TMEM132D: variants seen among roughly 807,000 people sequenced by gnomAD.
TMEM132D encodes the protein transmembrane protein 132D.
Under a neutral mutation model 62.3 loss-of-function variants are expected in TMEM132D, and 21 were observed. That is an observed-to-expected ratio of 0.34 (90% CI 0.24 to 0.49). The LOEUF is 0.49. Among genes scored for constraint, TMEM132D ranks in the 20% least tolerant of loss-of-function variants. TMEM132D has a pLI of 0.99. For synonymous variants in TMEM132D, 621 were observed against 575.6 expected, an observed-to-expected ratio of 1.08 and a Z score of -1.13; for missense variants, 1,346 against 1,402.8, an observed-to-expected ratio of 0.96 and a Z score of 0.65.
intron 1 of TMEM132D, among the ~76,000 whole-genome samples, chr12:129,844,629 A>G (rs1460880117): frequency 1.3e-5 from 2 of 152,206 alleles, no homozygotes; most frequent in South Asian, 2.1e-4. Context: ...AATAATGAGA[A>G]GAACGATGCT....
chr12:129,211,244 T>G (rs1009243951), intron 4 of TMEM132D, among the ~76,000 whole-genome samples: 4 of 152,222 alleles, frequency 2.6e-5, no homozygotes, highest in African/African-American at 7.2e-5. Context: ...TTGCGTTTCT[T>G]CTGTTAACTA....
intron 3 of TMEM132D, among the ~76,000 whole-genome samples, chr12:129,404,242 A>G (rs1326833698): frequency 6.6e-6 from 1 of 152,124 alleles, no homozygotes; most frequent in Admixed American, 6.5e-5. Flanking sequence ...TCTGTTGCCC[A>G]GGCTGGAGTG....
intron 4 of TMEM132D, among the ~76,000 whole-genome samples, chr12:129,337,239 T>A (rs1267710918): frequency 6.6e-6 from 1 of 152,070 alleles, no homozygotes; most frequent in Non-Finnish European, 1.5e-5. Context: ...TTCACTCCTA[T>A]GCTTGATCTA....
At chr12:129,130,772 A>G (rs1225763393) in intron 5 of TMEM132D, among the ~76,000 whole-genome samples, 1 of 152,190 alleles carries the variant, frequency 6.6e-6, no homozygotes, top group Non-Finnish European at 1.5e-5. Context: ...CGTCTAGATC[A>G]GGAGTACAAC....
intron 2 of TMEM132D, among the ~76,000 whole-genome samples, chr12:129,598,257 A>G (rs2137140507): frequency 6.6e-6 from 1 of 152,334 alleles, no homozygotes. Flanking sequence ...GCTATTGAGA[A>G]GCACAGTTTA....
chr12:129,576,563 T>C (rs1052879323), intron 2 of TMEM132D, among the ~76,000 whole-genome samples: 3 of 150,950 alleles, frequency 2.0e-5, no homozygotes, highest in Non-Finnish European at 1.5e-5. Flanking sequence ...CACATATATA[T>C]GTGTAGGTGT....
intron 1 of TMEM132D, among the ~76,000 whole-genome samples, chr12:129,759,892 C>T (rs1343796986): frequency 2.0e-5 from 3 of 150,378 alleles, no homozygotes; most frequent in Non-Finnish European, 4.4e-5. Context: ...TGCTGTGGGC[C>T]GTGGATGCCT....
At chr12:129,602,673 T>C (rs763503912) in intron 2 of TMEM132D, among the ~76,000 whole-genome samples, 4 of 152,104 alleles carry the variant, frequency 2.6e-5, no homozygotes, top group African/African-American at 9.7e-5. Context: ...GAGAGGCAGG[T>C]ACAGAGATTT....
At chr12:129,542,702 A>G (rs752817033) in intron 2 of TMEM132D, among the ~76,000 whole-genome samples, 1 of 152,198 alleles carries the variant, frequency 6.6e-6, no homozygotes, top group Non-Finnish European at 1.5e-5. Context: ...GTAGGTATAT[A>G]TATAATGTAT....
At chr12:129,875,534 G>A (rs978901132) in intron 1 of TMEM132D, among the ~76,000 whole-genome samples, 2 of 152,134 alleles carry the variant, frequency 1.3e-5, no homozygotes, top group African/African-American at 4.8e-5. Flanking sequence ...GTCCCATTTA[G>A]AGAGGATTTG....
Position 129,458,575 on chromosome 12 carries a change from C to A in TMEM132D, c.1115+72484G>T, listed in dbSNP as rs537742913. 2.6e-5 allele frequency among the ~76,000 whole-genome samples: 4 copies of A among 152,214 alleles called. No homozygotes were observed. The East Asian group carries it at 5.8e-4, about 22-fold the overall frequency. ...ACACAGTGAGACTGTGGGCATCACA[C>A]AGAGAGAGAAATAGATCTGTAAAAA... On this transcript the variant is annotated intron_variant, in intron 3 of 8. Transcript: ENST00000422113.
At chr12:129,614,866 T>C (rs910054141) in intron 2 of TMEM132D, among the ~76,000 whole-genome samples, 1 of 152,208 alleles carries the variant, frequency 6.6e-6, no homozygotes, top group African/African-American at 2.4e-5. Flanking sequence ...CCATGTCTAG[T>C]TAATTTTAAT....
At chr12:129,785,298 C>T (rs1383632198) in intron 1 of TMEM132D, among the ~76,000 whole-genome samples, 2 of 152,128 alleles carry the variant, frequency 1.3e-5, no homozygotes, top group Admixed American at 6.5e-5. Context: ...ACTCTAAGAA[C>T]CACTGCTGCT....
At chr12:129,523,536 G>A (rs780991725) in intron 3 of TMEM132D, among the ~76,000 whole-genome samples, 52 of 152,278 alleles carry the variant, frequency 3.4e-4, no homozygotes, top group Non-Finnish European at 6.5e-4. Flanking sequence ...AAAAAGCCAC[G>A]GCAGCTCCGG....
intron 2 of TMEM132D, among the ~76,000 whole-genome samples, chr12:129,672,002 C>G (rs1258005760): frequency 6.6e-6 from 1 of 152,176 alleles, no homozygotes; most frequent in African/African-American, 2.4e-5. Context: ...CAGGCTGCTC[C>G]AGCAAAAGAA....
At position 129,644,807 on chromosome 12, in the gene TMEM132D, T is replaced by A. The variant is rs192308467; in HGVS notation, c.968+55003A>T. 2.7e-4 allele frequency among the ~76,000 whole-genome samples: 39 copies of A among 141,850 alleles called. 1 individual carries two copies. The East Asian group carries it at 7.2e-3, about 26-fold the overall frequency. 93.1% of individuals were successfully genotyped at this position (141,850 alleles called of 152,430 possible). ...TCCTGGCTAACATGGTGAAACCCCATCTCTACTAAAAATACAAAAAAAAAA... is the reference window on the plus strand; with the variant it reads ...TCCTGGCTAACATGGTGAAACCCCAACTCTACTAAAAATACAAAAAAAAAA... On this transcript the variant is annotated intron_variant, in intron 2 of 8. Transcript: ENST00000422113.
At chr12:129,336,961 G>A (rs1372318314) in intron 4 of TMEM132D, among the ~76,000 whole-genome samples, 1 of 152,156 alleles carries the variant, frequency 6.6e-6, no homozygotes, top group Non-Finnish European at 1.5e-5. Flanking sequence ...GGGCACGGCC[G>A]TCTCACACAA....
At chr12:129,178,433 G>GGTT (rs1877968821) in intron 5 of TMEM132D, among the ~76,000 whole-genome samples, 1 of 140,944 alleles carries the variant, frequency 7.1e-6, no homozygotes, top group Admixed American at 6.9e-5. Context: ...ACCAGCATCT[G>GGTT]TTTTTTTTTT....
At chr12:129,349,713 G>A (rs574367686) in intron 3 of TMEM132D, among the ~76,000 whole-genome samples, 1 of 152,258 alleles carries the variant, frequency 6.6e-6, no homozygotes, top group Admixed American at 6.5e-5. Flanking sequence ...CATGTAAAGA[G>A]TTTAAATATT....
Sources: allele counts gnomAD v4.1 joint callset (sites outside exome capture counted in the v4.1 genomes callset), GRCh38; gene constraint gnomAD v4.1.1; transcripts MANE v1.5; gene names NCBI Gene and HGNC (gene_info 2026-07-23, HGNC 2026-07-21).